The following THRAP3 variants were observed in gnomAD, a reference collection of about 807,000 sequenced individuals.
THRAP3 encodes the protein thyroid hormone receptor associated protein 3.
THRAP3 carries 16 observed loss-of-function variants against 101.0 expected under a neutral mutation model. The ratio of observed to expected loss-of-function variants is 0.16; its 90% CI spans 0.11 to 0.24. THRAP3 has a LOEUF of 0.24. Among genes scored for constraint, THRAP3 ranks in the 10% least tolerant of loss-of-function variants. The pLI is 1.00. For synonymous variants in THRAP3, 407 were observed against 422.6 expected (o/e 0.96, Z 0.45); for missense variants, 989 against 1,202.7 (o/e 0.82, Z 2.63).
At chr1:36,269,211 G>C in intron 2 of THRAP3, among the ~76,000 whole-genome samples, 1 of 152,108 alleles carries the variant, frequency 6.6e-6, no homozygotes, top group African/African-American at 2.4e-5. Flanking sequence ...GGTGGTGATG[G>C]TGAAATTTGC....
In THRAP3 at chr1:36,282,677, T is replaced by C; in HGVS notation, c.114T>C (p.Ser38=). Residue 38 remains serine, a synonymous_variant, in exon 3 of 12, where the codon TCT becomes TCC. Transcript: ENST00000354618. The stretch of plus-strand genomic sequence containing the variant: ...CTCGGTCCCGAAGCCGATCTCTCTC[T>C]CGTTCAAGGAAGCGCAGGCTGAGGT... ...SKSRSRSRSL[S]RSRKRRLSSR... The C allele has an allele frequency of 6.2e-7, 1 of 1,614,212 alleles. No homozygotes were observed. The highest frequency in any genetic ancestry group is 8.5e-7 in the Non-Finnish European group (1 of 1,180,036).
At chr1:36,210,048 T>C in the THRAP3 span, among the ~76,000 whole-genome samples, 4 of 152,062 alleles carry the variant, frequency 2.6e-5, no homozygotes, top group African/African-American at 9.7e-5. Context: ...TTTTTTCTGG[T>C]CCCCAGTGAA....
At chr1:36,247,073 C>T (rs890824538) in intron 1 of THRAP3, among the ~76,000 whole-genome samples, 1 of 151,872 alleles carries the variant, frequency 6.6e-6, no homozygotes, top group African/African-American at 2.4e-5. Flanking sequence ...AATCCCAGCA[C>T]TTTGGGAGGC....
intron 7 of THRAP3, 46 bp from the exon 8 acceptor site, chr1:36,293,803 CAT>C (rs1252218660): frequency 6.8e-7 from 1 of 1,465,174 alleles, no homozygotes; most frequent in South Asian, 1.2e-5. Context: ...TTACCAGTAT[CAT>C]ATTCACACAA....
chr1:36,295,429 C>G (rs1307580331), intron 8 of THRAP3, among the ~76,000 whole-genome samples: 2 of 152,150 alleles, frequency 1.3e-5, no homozygotes, highest in Non-Finnish European at 2.9e-5. Flanking sequence ...TTTGCCCCAC[C>G]GAGTTTCCCA....
chr1:36,243,917 CG>C (rs1187322834), intron 1 of THRAP3, among the ~76,000 whole-genome samples: 1 of 136,752 alleles, frequency 7.3e-6, no homozygotes, highest in Non-Finnish European at 1.6e-5. Flanking sequence ...GCTGGCCGGG[CG>C]GGGGGCTGAC....
chr1:36,242,802 A>G (rs1645178216), intron 1 of THRAP3, among the ~76,000 whole-genome samples: 1 of 152,156 alleles, frequency 6.6e-6, no homozygotes, highest in Admixed American at 6.5e-5. Flanking sequence ...CTTTACCTTT[A>G]TGGTTTGTAC....
chr1:36,215,348 T>C, the THRAP3 span, among the ~76,000 whole-genome samples: 2 of 152,224 alleles, frequency 1.3e-5, no homozygotes, highest in Non-Finnish European at 2.9e-5. Context: ...TTGACATTAT[T>C]GTGCTTCTCC....
chr1:36,210,486 C>T, the THRAP3 span, among the ~76,000 whole-genome samples: 3 of 148,120 alleles, frequency 2.0e-5, no homozygotes, highest in Non-Finnish European at 3.0e-5. Flanking sequence ...GTCAGAAGTT[C>T]GAGACCAGTC....
chr1:36,244,047 G>A (rs1007820333), intron 1 of THRAP3, among the ~76,000 whole-genome samples: 5 of 151,194 alleles, frequency 3.3e-5, no homozygotes, highest in East Asian at 2.0e-4. Context: ...CCTCCCGGAC[G>A]GGGCGGCTGG....
the THRAP3 span, among the ~76,000 whole-genome samples, chr1:36,210,269 G>A: frequency 6.6e-6 from 1 of 151,526 alleles, no homozygotes; most frequent in Non-Finnish European, 1.5e-5. Context: ...GGGAGGCTGA[G>A]GCAGGAGAAT....
Position 36,300,968 on chromosome 1 carries a change from A to G in THRAP3, c.2386A>G (p.Thr796Ala), listed in dbSNP as rs1447772974. 1.9e-6 allele frequency: 3 copies of G among 1,614,198 alleles called. No individual in the cohort carries two copies. Among genetic ancestry groups the G allele is most frequent in the Non-Finnish European group, 1.7e-6 (2 of 1,180,036 alleles). ...TCACTCCTACAAAGCAGAAGAGTAC[A>G]CTGAAGAGACAGAGGAAAGAGAGGA... is the stretch of plus-strand genomic sequence containing the variant. ...SSHSYKAEEY[T>A]EETEEREEST... Residue 796 changes from threonine to alanine, a missense_variant, in exon 10 of 12, where the codon ACT becomes GCT. Transcript: ENST00000354618.
At chr1:36,247,811 C>T (rs904557205) in intron 1 of THRAP3, among the ~76,000 whole-genome samples, 2 of 151,816 alleles carry the variant, frequency 1.3e-5, no homozygotes, top group Non-Finnish European at 1.5e-5. Context: ...TACCATGTTG[C>T]CCAACTTATT....
rs372629163 is a variant in THRAP3, at chr1:36,261,013, GT to G, written c.-32+1532del. Among the ~76,000 whole-genome samples the G allele has an allele frequency of 1.2e-3, 189 of 152,090 alleles. 1 individual carries two copies. The highest frequency in any genetic ancestry group is 4.0e-3 in the African/African-American group (167 of 41,474). On this transcript the variant is annotated intron_variant, in intron 2 of 11. Transcript: ENST00000354618. Reference sequence around the variant, plus strand: ...ATAATCTTTTTGTCTATTTTGCTTAGTTTCTATGTCTTTATCAGTAATTTCT... The same window carrying G: ...ATAATCTTTTTGTCTATTTTGCTTAGTTCTATGTCTTTATCAGTAATTTCT...
chr1:36,237,052 TGTAATCCCAGATACTGGGGA>T (rs1645098822), intron 1 of THRAP3, among the ~76,000 whole-genome samples: 1 of 152,136 alleles, frequency 6.6e-6, no homozygotes, highest in African/African-American at 2.4e-5. Flanking sequence ...GGCGCATCCC[TGTAATCCCAGATACTGGGGA>T]GGCTGAGGCA....
chr1:36,236,653 G>T lies in THRAP3; in HGVS notation c.-135+12148G>T, dbSNP rs116330043. Among the ~76,000 whole-genome samples, 1,186 of 152,280 alleles carry T rather than the reference G, an allele frequency of 7.8e-3. 10 individuals are homozygous for T. Among genetic ancestry groups the T allele is most frequent in the African/African-American group, 0.027 (1,131 of 41,552 alleles). On this transcript the variant is annotated intron_variant, in intron 1 of 11. Transcript: ENST00000354618. ...CTTCTGCCGGGGCCGGCTAGTACAT[G>T]CAGTTTTCCATCCTTAGATTTCACA...
intron 2 of THRAP3, among the ~76,000 whole-genome samples, chr1:36,262,293 A>T (rs1464109102): frequency 2.0e-5 from 3 of 152,204 alleles, no homozygotes; most frequent in Non-Finnish European, 4.4e-5. Flanking sequence ...CTACATATGT[A>T]TTGGATGGTA....
upstream of THRAP3, among the ~76,000 whole-genome samples, chr1:36,223,838 A>T (rs1265047793): frequency 3.3e-5 from 5 of 152,136 alleles, no homozygotes; most frequent in African/African-American, 7.2e-5. Context: ...AATTAAAATT[A>T]AAAAAACGAA....
At chr1:36,250,777 G>A (rs963088030) in intron 1 of THRAP3, among the ~76,000 whole-genome samples, 2 of 151,592 alleles carry the variant, frequency 1.3e-5, no homozygotes, top group South Asian at 4.2e-4. Flanking sequence ...GTTGGGCGTG[G>A]TGGTGCGCGC....
Sources: allele counts gnomAD v4.1 joint callset (sites outside exome capture counted in the v4.1 genomes callset), GRCh38; gene constraint gnomAD v4.1.1; transcripts MANE v1.5; gene names NCBI Gene and HGNC (gene_info 2026-07-23, HGNC 2026-07-21).